The following TRIM71 variants were observed in gnomAD, a reference collection of about 807,000 sequenced individuals.
TRIM71 encodes the protein tripartite motif containing 71, also known as E3 ubiquitin-protein ligase TRIM71.
A neutral mutation model predicts 61.2 loss-of-function variants in TRIM71; 9 were observed. That is an observed-to-expected ratio of 0.15 (90% CI 0.09 to 0.26). The LOEUF (loss-of-function observed/expected upper bound fraction) is 0.26, where lower values mean the gene tolerates loss of function less well. TRIM71 is among the 10% of genes least tolerant of loss of function. TRIM71 has a pLI of 1.00. For synonymous variants in TRIM71, 645 were observed against 553.2 expected, an observed-to-expected ratio of 1.17 and a Z score of -2.33; for missense variants, 998 against 1,238.7, an observed-to-expected ratio of 0.81 and a Z score of 2.92.
intron 1 of TRIM71, among the ~76,000 whole-genome samples, chr3:32,867,481 C>T (rs1292436473): frequency 1.3e-5 from 2 of 152,034 alleles, no homozygotes; most frequent in East Asian, 3.8e-4. Context: ...GACAGGGTCT[C>T]GGGCTCTGTG....
intron 1 of TRIM71, among the ~76,000 whole-genome samples, chr3:32,838,522 CT>C (rs11361989): frequency 0.26 from 35,285 of 136,530 alleles, 4,716 homozygotes; most frequent in Middle Eastern, 0.36. Flanking sequence ...TGCACCTGGC[CT>C]TTTTTTTTTT....
At chr3:32,828,710 G>A (rs1451040084) in intron 1 of TRIM71, among the ~76,000 whole-genome samples, 4 of 151,992 alleles carry the variant, frequency 2.6e-5, no homozygotes, top group Admixed American at 2.6e-4. Flanking sequence ...ATGTTGCCCA[G>A]GCTTGTGTCT....
chr3:32,840,779 C>CACTGGTA (rs138708441), intron 1 of TRIM71, among the ~76,000 whole-genome samples: 1 of 151,834 alleles, frequency 6.6e-6, no homozygotes, highest in Non-Finnish European at 1.5e-5. Context: ...AAGTGGCTAA[C>CACTGGTA]ACTGGTGAAG....
At position 32,870,169 on chromosome 3, in the gene TRIM71, G is replaced by C. The variant is rs759650425; in HGVS notation, c.853-3649G>C. 3.9e-5 allele frequency among the ~76,000 whole-genome samples: 6 copies of C among 152,324 alleles called. No homozygotes were observed. The South Asian group carries it at 6.2e-4, about 16-fold the overall frequency. Reference sequence around the variant, plus strand: ...TCAGTTTCAAATTGTGGTTAGATGAGACATGGAGCTTCTAAATGAAGCATG... The same window carrying C: ...TCAGTTTCAAATTGTGGTTAGATGACACATGGAGCTTCTAAATGAAGCATG... On this transcript the variant is annotated intron_variant, in intron 1 of 3. Coordinates refer to ENST00000383763, the MANE Select transcript of TRIM71 (RefSeq NM_001039111.3).
chr3:32,860,870 G>C (rs1559544926), intron 1 of TRIM71, among the ~76,000 whole-genome samples: 2 of 152,142 alleles, frequency 1.3e-5, no homozygotes, highest in Admixed American at 6.5e-5. Context: ...AACTTGAAAA[G>C]GGTTTTTAAA....
At chr3:32,838,867 C>T (rs1244976039) in intron 1 of TRIM71, among the ~76,000 whole-genome samples, 1 of 152,012 alleles carries the variant, frequency 6.6e-6, no homozygotes, top group African/African-American at 2.4e-5. Context: ...GTGTTGCGAT[C>T]TCAGCTCACA....
Position 32,818,528 on chromosome 3 carries a change from C to A in TRIM71, c.448C>A (p.Arg150=), listed in dbSNP as rs747514876. The change falls in exon 1 of 4, where the codon CGG becomes AGG. Residue 150 remains arginine, a synonymous_variant. Transcript: ENST00000383763. The stretch of plus-strand genomic sequence containing the variant: ...GGGAGCGGGCGGCCACAGCAACCAC[C>A]GGCACCACGCTCACCACGCGCACCC... ...PAGAGGHSNH[R]HHAHHAHPRA... 1.5e-6 allele frequency: 2 copies of A among 1,366,026 alleles called. No homozygotes were observed. Among genetic ancestry groups the A allele is most frequent in the South Asian group, 3.2e-5 (2 of 63,158 alleles). The allele number at this position is 1,366,026 out of a possible 1,614,324, so 84.6% of individuals were successfully genotyped here. A position where few individuals can be genotyped will look rare whatever the true frequency, so the allele number is the denominator to read the frequency against.
chr3:32,821,844 G>T (rs1283338845), intron 1 of TRIM71, among the ~76,000 whole-genome samples: 1 of 151,766 alleles, frequency 6.6e-6, no homozygotes, highest in Non-Finnish European at 1.5e-5. Flanking sequence ...CCAGCCCGGA[G>T]CCTGCCTCGG....
Position 32,818,813 on chromosome 3 carries a change from C to T in TRIM71, c.733C>T (p.Pro245Ser), listed in dbSNP as rs759159453. Reference protein sequence around the residue: ...DHYIERGPPGPGAAAAAQQLG... With the variant: ...DHYIERGPPGSGAAAAAQQLG... ...CTACATCGAGCGCGGCCCGCCGGGTCCCGGTGCCGCAGCAGCGGCGCAGCA... is the reference window on the plus strand; with the variant it reads ...CTACATCGAGCGCGGCCCGCCGGGTTCCGGTGCCGCAGCAGCGGCGCAGCA... The change falls in exon 1 of 4, where the codon CCC becomes TCC. Residue 245 changes from proline to serine, a missense_variant. By Grantham distance (74) the Pro-to-Ser change is moderately conservative (BLOSUM62 -1). This residue lies in a region of TRIM71 where 527 missense variants were observed against 427.8 expected (regional missense o/e 1.23). Coordinates refer to ENST00000383763, the MANE Select transcript of TRIM71 (RefSeq NM_001039111.3). The T allele has an allele frequency of 2.5e-6, 4 of 1,609,882 alleles. No individual in the cohort carries two copies. The highest frequency in any genetic ancestry group is 2.5e-6 in the Non-Finnish European group (3 of 1,178,516).
intron 1 of TRIM71, among the ~76,000 whole-genome samples, chr3:32,872,617 C>T (rs1696808584): frequency 6.6e-6 from 1 of 152,184 alleles, no homozygotes; most frequent in South Asian, 2.1e-4. Context: ...GCAGAATCGC[C>T]TGGAATCTCA....
At chr3:32,833,634 T>TTTTATTTATTTATTTATTTA (rs572371235) in intron 1 of TRIM71, among the ~76,000 whole-genome samples, 4 of 146,702 alleles carry the variant, frequency 2.7e-5, no homozygotes, top group South Asian at 2.2e-4. Flanking sequence ...GAGAATGCTT[T>TTTTATTTATTTATTTATTTA]TTTATTTATT....
Position 32,831,431 on chromosome 3 carries a change from C to A in TRIM71, c.852+12499C>A, listed in dbSNP as rs574450807. Among the ~76,000 whole-genome samples, 4 of 151,998 alleles carry A rather than the reference C, an allele frequency of 2.6e-5. No homozygotes were observed. The South Asian group carries it at 8.3e-4, about 32-fold the overall frequency. On this transcript the variant is annotated intron_variant, in intron 1 of 3. Coordinates refer to ENST00000383763, the MANE Select transcript of TRIM71 (RefSeq NM_001039111.3). ...AAATTTATATTGTAATGTATGTGCC[C>A]ATAACTGTAAATAATCATGAAAAAA...
Position 32,892,967 on chromosome 3 carries a change from G to A in TRIM71, c.*1156G>A, listed in dbSNP as rs1388770620. On this transcript the variant is annotated 3_prime_UTR_variant, in exon 4 of 4. Transcript: ENST00000383763. ...CTGACCCGCGAGTGCATGTTGTTCTGTAGTGCTAGGGGTTTCTTTTCCTAA... is the reference window on the plus strand; with the variant it reads ...CTGACCCGCGAGTGCATGTTGTTCTATAGTGCTAGGGGTTTCTTTTCCTAA... The A allele has an allele frequency of 6.6e-6, 1 of 152,170 alleles. No individual in the cohort carries two copies. The highest frequency in any genetic ancestry group is 2.4e-5 in the African/African-American group (1 of 41,432). 9.4% of individuals were successfully genotyped at this position (152,170 alleles called of 1,614,324 possible). A position where few individuals can be genotyped will look rare whatever the true frequency, so the allele number is the denominator to read the frequency against.
At chr3:32,827,541 G>A (rs1363031254) in intron 1 of TRIM71, among the ~76,000 whole-genome samples, 5 of 152,088 alleles carry the variant, frequency 3.3e-5, no homozygotes, top group South Asian at 2.1e-4. Context: ...GATTACAGGC[G>A]TGAGCCACCG....
chr3:32,881,345 A>G (rs1696904991), intron 2 of TRIM71, among the ~76,000 whole-genome samples: 2 of 152,340 alleles, frequency 1.3e-5, no homozygotes, highest in South Asian at 4.1e-4. Flanking sequence ...AGTGCACCAC[A>G]GTAGCTCCGC....
intron 1 of TRIM71, among the ~76,000 whole-genome samples, chr3:32,859,748 G>A (rs1400745816): frequency 6.6e-6 from 1 of 152,176 alleles, no homozygotes; most frequent in African/African-American, 2.4e-5. Flanking sequence ...CTTACATCCT[G>A]CTGTAATGAC....
chr3:32,824,428 G>C (rs1696178347), intron 1 of TRIM71, among the ~76,000 whole-genome samples: 1 of 150,968 alleles, frequency 6.6e-6, no homozygotes, highest in African/African-American at 2.4e-5. Flanking sequence ...CCTGACCTCA[G>C]GTGATCCACC....
chr3:32,897,655 CTGAAT>C lies in TRIM71; in HGVS notation c.*5845_*5849del, dbSNP rs1697094340. 1 of 152,198 alleles carries C rather than the reference CTGAAT, an allele frequency of 6.6e-6. No individual in the cohort carries two copies. Among genetic ancestry groups the C allele is most frequent in the African/African-American group, 2.4e-5 (1 of 41,436 alleles). The allele number at this position is 152,198 out of a possible 1,614,324, so 9.4% of individuals were successfully genotyped here. The stretch of plus-strand genomic sequence containing the variant: ...AACTCCTGTGTTAGCTAACAGGCTT[CTGAAT>C]GTATCACTGTGGTCCACAGAGAAGG... On this transcript the variant is annotated 3_prime_UTR_variant, in exon 4 of 4. Coordinates refer to ENST00000383763, the MANE Select transcript of TRIM71 (RefSeq NM_001039111.3).
At chr3:32,878,219 G>C (rs992076977) in intron 2 of TRIM71, among the ~76,000 whole-genome samples, 5 of 152,222 alleles carry the variant, frequency 3.3e-5, no homozygotes, top group African/African-American at 2.4e-5. Flanking sequence ...ATCTCTAGCA[G>C]AGTCTTCTGG....
Sources: gnomAD v4.1 joint callset for allele counts (sites outside exome capture counted in the v4.1 genomes callset) on GRCh38, gnomAD v4.1.1 for gene constraint, gnomAD v4.1.1 regional missense constraint, MANE v1.5 for transcripts, NCBI Gene and HGNC (gene_info 2026-07-23, HGNC 2026-07-21) for gene names.